Variants in TBC1D30 observed in about 807,000 individuals in gnomAD.
TBC1D30 encodes the protein TBC1 domain family member 30.
In TBC1D30, 31 loss-of-function variants were observed where a neutral mutation model predicts 63.2. That is an observed-to-expected ratio of 0.49 (90% CI 0.37 to 0.66). The LOEUF is 0.66. TBC1D30 is among the 30% of genes least tolerant of loss of function. The probability of loss-of-function intolerance (pLI) is 0.00; values close to 1 mark genes in which losing one functional copy is unlikely to be tolerated. For missense variants in TBC1D30, 810 were observed against 953.6 expected (o/e 0.85, Z 1.98); for synonymous variants, 307 against 361.5 (o/e 0.85, Z 1.71).
chr12:64,792,832 C>T lies in TBC1D30; in HGVS notation c.643+6787C>T, dbSNP rs1051742650. ...CAAATGATGCACCTGCCTTGGCCTCCCAAAGTGCTGGGATTACAGGCATGA... is the reference window on the plus strand; with the variant it reads ...CAAATGATGCACCTGCCTTGGCCTCTCAAAGTGCTGGGATTACAGGCATGA... On this transcript the variant is annotated intron_variant, in intron 2 of 12. Coordinates refer to the TBC1D30 transcript ENST00000542120. 1.4e-4 allele frequency among the ~76,000 whole-genome samples: 22 copies of T among 152,140 alleles called. 1 individual carries two copies. Among genetic ancestry groups the T allele is most frequent in the Non-Finnish European group, 1.0e-4 (7 of 68,030 alleles).
In TBC1D30 at chr12:64,830,441, G is replaced by A. The variant is rs1385847876; in HGVS notation, c.347G>A (p.Arg116His). The change falls in exon 4 of 12, where the codon CGC (arginine) becomes CAC (histidine). Residue 116 changes from arginine (R) to histidine (H), a missense_variant. Coordinates refer to ENST00000539867, the MANE Select transcript of TBC1D30 (RefSeq NM_015279.2). ...GCCATTGACTGGGACAAAACCATGC[G>A]CTTCACTTTCAATGAAAGGAGTAAT... ...SIAIDWDKTM[R>H]FTFNERSNPD... 2.4e-5 allele frequency: 37 copies of A among 1,535,276 alleles called. No individual in the cohort carries two copies. The highest frequency in any genetic ancestry group is 1.2e-4 in the Admixed American group (6 of 50,960).
rs575624574 is a variant in TBC1D30 at position 64,813,193 on chromosome 12, T to C, written c.644-14642T>C. 2.0e-4 allele frequency among the ~76,000 whole-genome samples: 31 copies of C among 152,194 alleles called. 1 individual carries two copies. Among genetic ancestry groups the C allele is most frequent in the Admixed American group, 1.0e-3 (16 of 15,280 alleles). On this transcript the variant is annotated intron_variant, in intron 2 of 12. Transcript: ENST00000542120. ...TCACTTGAGCCCAGGAGTTTGAGAC[T>C]AGCCTGGCCAACATGGTGAAACCCC...
chr12:64,792,666 T>C (rs904277134), intron 2 of TBC1D30, among the ~76,000 whole-genome samples: 2 of 151,916 alleles, frequency 1.3e-5, no homozygotes, highest in African/African-American at 2.4e-5. Flanking sequence ...GTCTCCCGAG[T>C]TCAAGCGATT....
intron 8 of TBC1D30, among the ~76,000 whole-genome samples, chr12:64,861,053 C>A (rs1405385356): frequency 6.6e-6 from 1 of 152,182 alleles, no homozygotes; most frequent in African/African-American, 2.4e-5. Flanking sequence ...GAGAAGGAAC[C>A]ACTTTGACAC....
intron 6 of TBC1D30, among the ~76,000 whole-genome samples, chr12:64,837,070 G>T (rs968506606): frequency 6.6e-6 from 1 of 152,180 alleles, no homozygotes. Flanking sequence ...GTAGCTAAGA[G>T]CCGCTGCTAT....
chr12:64,804,792 C>G (rs987214453), intron 2 of TBC1D30, among the ~76,000 whole-genome samples: 1 of 152,154 alleles, frequency 6.6e-6, no homozygotes, highest in Non-Finnish European at 1.5e-5. Flanking sequence ...ATTTTCTGCC[C>G]TAATTCTCCT....
intron 1 of TBC1D30, among the ~76,000 whole-genome samples, chr12:64,783,328 G>A (rs1871386594): frequency 6.6e-6 from 1 of 152,136 alleles, no homozygotes; most frequent in Non-Finnish European, 1.5e-5. Context: ...CCTTGGACAA[G>A]CTATTTAACA....
chr12:64,770,181 T>TC (rs1870854182), intron 1 of TBC1D30, among the ~76,000 whole-genome samples: 1 of 152,240 alleles, frequency 6.6e-6, no homozygotes, highest in Non-Finnish European at 1.5e-5. Context: ...GATATTTGAT[T>TC]TGCCATGTTG....
At chr12:64,864,108 CTT>C (rs557804406) in intron 8 of TBC1D30, among the ~76,000 whole-genome samples, 12 of 146,160 alleles carry the variant, frequency 8.2e-5, no homozygotes, top group Non-Finnish European at 1.7e-4. Context: ...TTTTTCTTGT[CTT>C]TTTTTTTTTC....
At chr12:64,837,807 A>G (rs1875500950) in intron 6 of TBC1D30, among the ~76,000 whole-genome samples, 1 of 152,196 alleles carries the variant, frequency 6.6e-6, no homozygotes, top group Non-Finnish European at 1.5e-5. Context: ...TCCCCTAGTC[A>G]GACACACTTT....
Position 64,864,737 on chromosome 12 carries a change from A to T in TBC1D30, c.1108A>T (p.Ile370Phe), listed in dbSNP as rs1409103514. Residue 370 changes from isoleucine to phenylalanine, a missense_variant, in exon 9 of 12, where the codon ATT (isoleucine) becomes TTT (phenylalanine). By Grantham distance (21) the Ile-to-Phe change is conservative. Transcript: ENST00000539867. ...GTTGAGGGAAAAATACACCTACAAC[A>T]TTACACCGTTCCCAGCCACAGTTAA... ...AELREKYTYN[I>F]TPFPATVKPT... 6.5e-7 allele frequency: 1 copy of T among 1,536,038 alleles called. No individual in the cohort carries two copies. Among genetic ancestry groups the T allele is most frequent in the African/African-American group, 1.4e-5 (1 of 73,036 alleles).
chr12:64,802,236 C>T (rs1872616880), intron 2 of TBC1D30, among the ~76,000 whole-genome samples: 1 of 152,130 alleles, frequency 6.6e-6, no homozygotes, highest in Non-Finnish European at 1.5e-5. Flanking sequence ...AGCATTAAAG[C>T]TTGCCATTTG....
intron 5 of TBC1D30, among the ~76,000 whole-genome samples, chr12:64,835,050 T>G (rs1875219106): frequency 6.6e-6 from 1 of 152,176 alleles, no homozygotes; most frequent in Admixed American, 6.5e-5. Flanking sequence ...AGTGCTAGGT[T>G]CCTGCAAGGG....
Position 64,836,502 on chromosome 12 carries a change from C to A in TBC1D30, c.607C>A (p.Leu203Ile). The A allele has an allele frequency of 5.2e-6, 8 of 1,535,010 alleles. No homozygotes were observed. Among genetic ancestry groups the A allele is most frequent in the East Asian group, 2.4e-5 (1 of 40,898 alleles). Residue 203 changes from leucine (L) to isoleucine (I), a missense_variant, in exon 6 of 12, where the codon CTT becomes ATT. Transcript: ENST00000539867. ...TTTTTTTCTTTAGATTATGATTTAC[C>A]TTATTGATAAGGTACTTCCCGAAAG... ...EGDALKIMIYLIDKVLPESYF... is the reference protein window; with the variant it reads ...EGDALKIMIYIIDKVLPESYF...
At chr12:64,865,898 G>C (rs76565022) in intron 9 of TBC1D30, among the ~76,000 whole-genome samples, 6,511 of 152,254 alleles carry the variant, frequency 0.043, 457 homozygotes, top group African/African-American at 0.15. Flanking sequence ...AGGAAGCTCT[G>C]TGTATTCTTG....
chr12:64,775,729 A>G (rs556564343), upstream of TBC1D30, among the ~76,000 whole-genome samples: 1 of 152,362 alleles, frequency 6.6e-6, no homozygotes, highest in East Asian at 1.9e-4. Flanking sequence ...ATCAAGAAAG[A>G]AAATTAACAA....
chr12:64,850,975 G>C (rs1876820530), intron 8 of TBC1D30, among the ~76,000 whole-genome samples: 1 of 152,060 alleles, frequency 6.6e-6, no homozygotes, highest in African/African-American at 2.4e-5. Context: ...TCAGGGATTT[G>C]ACTTCTTCCT....
chr12:64,782,958 C>T (rs549120157), intron 1 of TBC1D30, among the ~76,000 whole-genome samples: 2 of 152,262 alleles, frequency 1.3e-5, no homozygotes, highest in South Asian at 4.1e-4. Flanking sequence ...ACATCATTCG[C>T]GTGCTAAGAT....
Position 64,794,842 on chromosome 12 carries a change from T to G in TBC1D30, c.643+8797T>G, listed in dbSNP as rs529181306. On this transcript the variant is annotated intron_variant, in intron 2 of 12. Coordinates refer to the TBC1D30 transcript ENST00000542120. ...TTCCAGTCCTGTTATTGAGAAATCT[T>G]TTTGGGTTGCTATTTGAATGTTTCT... Among the ~76,000 whole-genome samples the G allele has an allele frequency of 4.6e-5, 7 of 152,310 alleles. No individual in the cohort carries two copies. In the South Asian group the frequency reaches 1.5e-3, roughly 32 times the overall value.
Sources: gnomAD v4.1 joint callset for allele counts (sites outside exome capture counted in the v4.1 genomes callset) on GRCh38, gnomAD v4.1.1 for gene constraint, MANE v1.5 for transcripts, NCBI Gene and HGNC (gene_info 2026-07-23, HGNC 2026-07-21) for gene names.